KANSL1: variants seen among roughly 807,000 people sequenced by gnomAD.
KANSL1 encodes the protein KAT8 regulatory NSL complex subunit 1, also known as MLL1/MLL complex subunit KANSL1.
A neutral mutation model predicts 103.6 loss-of-function variants in KANSL1; 22 were observed. The observed-to-expected ratio is 0.21, with a 90% CI of 0.15 to 0.30. The LOEUF is 0.30. Ranked by LOEUF, KANSL1 falls within the 10% of genes least tolerant of loss-of-function variation. KANSL1 has a pLI of 1.00. For missense variants in KANSL1, 1,337 were observed against 1,399.8 expected, an observed-to-expected ratio of 0.96 and a Z score of 0.72; for synonymous variants, 600 against 527.6, an observed-to-expected ratio of 1.14 and a Z score of -1.88.
chr17:46,120,941 C>T (rs1366404924), intron 2 of KANSL1, among the ~76,000 whole-genome samples: 1 of 152,148 alleles, frequency 6.6e-6, no homozygotes. Context: ...TTCTCCCCTG[C>T]TCCCACCTAG....
At chr17:46,110,626 G>A (rs773002230) in intron 2 of KANSL1, among the ~76,000 whole-genome samples, 11 of 152,154 alleles carry the variant, frequency 7.2e-5, no homozygotes, top group Non-Finnish European at 1.3e-4. Flanking sequence ...AGGAAGGGGG[G>A]AGATGACCCT....
At chr17:46,168,000 C>G (rs540741968) in intron 2 of KANSL1, among the ~76,000 whole-genome samples, 1 of 152,218 alleles carries the variant, frequency 6.6e-6, no homozygotes, top group East Asian at 1.9e-4. Context: ...GCTGCCTAGA[C>G]GAAACCTAGC....
intron 6 of KANSL1, among the ~76,000 whole-genome samples, chr17:46,060,627 C>T (rs988439058): frequency 6.6e-6 from 1 of 152,212 alleles, no homozygotes; most frequent in Non-Finnish European, 1.5e-5. Flanking sequence ...CTATTGCACT[C>T]TGTCAAGGAA....
At chr17:46,040,092 C>T (rs570165095) in intron 7 of KANSL1, 19 of 457,226 alleles carry the variant, frequency 4.2e-5, no homozygotes, top group Middle Eastern at 5.5e-4. Flanking sequence ...ACTTTCAAGT[C>T]CCAAAGGGAA....
At chr17:46,084,497 C>A (rs1568429474) in intron 3 of KANSL1, among the ~76,000 whole-genome samples, 2 of 151,780 alleles carry the variant, frequency 1.3e-5, no homozygotes, top group Non-Finnish European at 2.9e-5. Context: ...GCCTGGCCGA[C>A]ACAGTGAAAC....
intron 1 of KANSL1, among the ~76,000 whole-genome samples, chr17:46,216,444 CA>C (rs1264193139): frequency 2.0e-5 from 3 of 151,848 alleles, no homozygotes; most frequent in Middle Eastern, 3.4e-3. Flanking sequence ...ACTAAAACTA[CA>C]AAAATTAGCC....
intron 7 of KANSL1, chr17:46,045,961 T>G (rs1196566472): frequency 6.6e-6 from 1 of 152,206 alleles, no homozygotes; most frequent in African/African-American, 2.4e-5. Flanking sequence ...AGTATGAGAC[T>G]ATACAATTCA....
chr17:46,147,828 A>T (rs1192543632), intron 2 of KANSL1, among the ~76,000 whole-genome samples: 1 of 152,252 alleles, frequency 6.6e-6, no homozygotes. Flanking sequence ...GTTTGGTACA[A>T]AGATCAAAAA....
At chr17:46,133,147 G>A (rs1256082209) in intron 2 of KANSL1, among the ~76,000 whole-genome samples, 1 of 152,156 alleles carries the variant, frequency 6.6e-6, no homozygotes, top group Non-Finnish European at 1.5e-5. Flanking sequence ...GTGTGAGATG[G>A]ATGGAGTAAT....
intron 2 of KANSL1, among the ~76,000 whole-genome samples, chr17:46,116,624 A>G (rs1352313853): frequency 1.3e-5 from 2 of 152,210 alleles, no homozygotes; most frequent in African/African-American, 4.8e-5. Context: ...GGAAGGAATA[A>G]TAAGTCAATT....
intron 10 of KANSL1, chr17:46,037,586 A>G (rs2077187280): frequency 6.6e-6 from 1 of 152,236 alleles, no homozygotes; most frequent in African/African-American, 2.4e-5. Context: ...AGTTTGAATC[A>G]TAATTATAAC....
intron 2 of KANSL1, among the ~76,000 whole-genome samples, chr17:46,109,767 T>A (rs933347719): frequency 1.3e-5 from 2 of 152,256 alleles, no homozygotes; most frequent in African/African-American, 4.8e-5. Context: ...CTTACAAGCT[T>A]CTGACTACCA....
At chr17:46,201,257 T>C (rs1370088081) in intron 1 of KANSL1, among the ~76,000 whole-genome samples, 1 of 152,244 alleles carries the variant, frequency 6.6e-6, no homozygotes, top group African/African-American at 2.4e-5. Flanking sequence ...CTTGAACTTG[T>C]TTCTATGTAC....
intron 3 of KANSL1, among the ~76,000 whole-genome samples, chr17:46,084,462 G>A (rs1324911905): frequency 6.6e-6 from 1 of 151,728 alleles, no homozygotes; most frequent in African/African-American, 2.4e-5. Context: ...CACTTGGGGA[G>A]GTTGAGGTTA....
rs774841964 is a variant in KANSL1, at chr17:46,066,611, G to T, written c.1774C>A (p.Arg592=). The change falls in exon 6 of 15, where the codon CGG becomes AGG. Residue 592 remains arginine, a synonymous_variant. Coordinates refer to ENST00000432791, the MANE Select transcript of KANSL1 (RefSeq NM_015443.4). ...TTACAGCTCAGTACAGGACGTGTCCGGGCTGCCACACAGGTGCCATCAGAT... is the reference window on the plus strand; with the variant it reads ...TTACAGCTCAGTACAGGACGTGTCCTGGCTGCCACACAGGTGCCATCAGAT... ...SSSDGTCVAA[R]TRPVLSCKKR... The T allele has an allele frequency of 6.2e-7, 1 of 1,614,150 alleles. No homozygotes were observed. The highest frequency in any genetic ancestry group is 8.5e-7 in the Non-Finnish European group (1 of 1,180,036).
chr17:46,220,218 A>AT (rs1567815584), intron 1 of KANSL1, among the ~76,000 whole-genome samples: 1 of 150,950 alleles, frequency 6.6e-6, no homozygotes, highest in Non-Finnish European at 1.5e-5. Context: ...TGTTCTTTAA[A>AT]ATTTTTTTTT....
chr17:46,036,983 G>A (rs1026437920), intron 10 of KANSL1, among the ~76,000 whole-genome samples: 5 of 152,132 alleles, frequency 3.3e-5, no homozygotes, highest in African/African-American at 1.2e-4. Context: ...CCCAAGTGCT[G>A]GGATTATAGG....
At chr17:46,199,876 C>A (rs1329487639) in intron 1 of KANSL1, among the ~76,000 whole-genome samples, 3 of 152,184 alleles carry the variant, frequency 2.0e-5, no homozygotes, top group Admixed American at 6.5e-5. Flanking sequence ...AGAAACAAGT[C>A]AGGTTCTCTC....
At chr17:46,195,729 C>T (rs1242801598), upstream of KANSL1, among the ~76,000 whole-genome samples, 1 of 152,132 alleles carries the variant, frequency 6.6e-6, no homozygotes, top group Non-Finnish European at 1.5e-5. Context: ...TTATTTTTTT[C>T]ACTCCTTTTT....
Sources: gnomAD v4.1 joint callset for allele counts (sites outside exome capture counted in the v4.1 genomes callset) on GRCh38, gnomAD v4.1.1 for gene constraint, MANE v1.5 for transcripts, NCBI Gene and HGNC (gene_info 2026-07-23, HGNC 2026-07-21) for gene names.